VSTM2B: variants seen among roughly 807,000 people sequenced by gnomAD.
The protein encoded by VSTM2B is V-set and transmembrane domain-containing protein 2B.
VSTM2B carries 24 observed loss-of-function variants against 24.0 expected under a neutral mutation model. The observed-to-expected ratio is 1.00, with a 90% CI of 0.72 to 1.40. The LOEUF (loss-of-function observed/expected upper bound fraction) is 1.40, where lower values mean the gene tolerates loss of function less well. VSTM2B is among the 40% of genes most tolerant of loss of function. The pLI, the probability that VSTM2B is intolerant of heterozygous loss-of-function variation, is 0.00. For synonymous variants in VSTM2B, 226 were observed against 194.4 expected (o/e 1.16, Z -1.35); for missense variants, 399 against 416.4 (o/e 0.96, Z 0.36).
intron 4 of VSTM2B, among the ~76,000 whole-genome samples, chr19:29,538,907 G>T (rs1355759894): frequency 6.6e-6 from 1 of 152,132 alleles, no homozygotes; most frequent in Non-Finnish European, 1.5e-5. Context: ...CAACACTGGG[G>T]ATCACATTTC....
chr19:29,554,833 A>T (rs187415204), intron 4 of VSTM2B, among the ~76,000 whole-genome samples: 2 of 152,326 alleles, frequency 1.3e-5, no homozygotes, highest in Admixed American at 1.3e-4. Context: ...TTACATAATG[A>T]TAAAAAGGAT....
chr19:29,550,951 AG>A (rs1340575286), intron 4 of VSTM2B, among the ~76,000 whole-genome samples: 1 of 152,166 alleles, frequency 6.6e-6, no homozygotes, highest in East Asian at 1.9e-4. Flanking sequence ...CCCAGTGGAG[AG>A]GGCTGCAGCT....
At chr19:29,530,528 C>T (rs1020438928) in intron 4 of VSTM2B, among the ~76,000 whole-genome samples, 13 of 152,210 alleles carry the variant, frequency 8.5e-5, no homozygotes, top group Non-Finnish European at 1.3e-4. Flanking sequence ...GAGGAGGGGG[C>T]TGCCCTGCCA....
intron 4 of VSTM2B, 29 bp downstream of exon 4, chr19:29,530,319 C>T: frequency 2.0e-6 from 3 of 1,474,238 alleles, no homozygotes; most frequent in Non-Finnish European, 1.8e-6. Flanking sequence ...GGGGCGCACG[C>T]GCGGGGATGG....
At chr19:29,545,730 G>A (rs554573186) in intron 4 of VSTM2B, among the ~76,000 whole-genome samples, 48 of 152,296 alleles carry the variant, frequency 3.2e-4, no homozygotes, top group Middle Eastern at 3.4e-3. Context: ...CCAGCCCACC[G>A]TTGATGGGCA....
chr19:29,559,273 T>C (rs1055728259), intron 4 of VSTM2B, among the ~76,000 whole-genome samples: 1 of 152,246 alleles, frequency 6.6e-6, no homozygotes, highest in African/African-American at 2.4e-5. Flanking sequence ...CATGGAATAC[T>C]ATGCAGGCAT....
intron 4 of VSTM2B, among the ~76,000 whole-genome samples, chr19:29,532,468 G>A (rs970380381): frequency 3.9e-5 from 6 of 152,200 alleles, no homozygotes; most frequent in African/African-American, 1.4e-4. Context: ...GCTTGTTGGT[G>A]AAGAGAACAT....
intron 4 of VSTM2B, among the ~76,000 whole-genome samples, chr19:29,537,585 C>T (rs1484799572): frequency 6.6e-6 from 1 of 152,180 alleles, no homozygotes; most frequent in Non-Finnish European, 1.5e-5. Flanking sequence ...TTTGGACAGG[C>T]TTCAGTTGGC....
chr19:29,535,759 C>T (rs963545807), intron 4 of VSTM2B, among the ~76,000 whole-genome samples: 9 of 152,098 alleles, frequency 5.9e-5, no homozygotes, highest in African/African-American at 1.9e-4. Context: ...CCAGGAGAAT[C>T]GCGATGCAGC....
chr19:29,532,442 C>T (rs1346488447), intron 4 of VSTM2B, among the ~76,000 whole-genome samples: 1 of 152,172 alleles, frequency 6.6e-6, no homozygotes, highest in East Asian at 1.9e-4. Context: ...CTTACAGAGC[C>T]ATTGGCTTAA....
intron 4 of VSTM2B, among the ~76,000 whole-genome samples, chr19:29,535,850 TC>T (rs904470801): frequency 2.6e-5 from 4 of 151,698 alleles, no homozygotes; most frequent in Non-Finnish European, 5.9e-5. Flanking sequence ...TTTTCCCATC[TC>T]CCCGGACCCA....
intron 4 of VSTM2B, among the ~76,000 whole-genome samples, chr19:29,561,172 C>G (rs2145519929): frequency 6.6e-6 from 1 of 152,112 alleles, no homozygotes; most frequent in Admixed American, 6.5e-5. Flanking sequence ...ATTAGCCAAG[C>G]ATGGTGGCAA....
intron 4 of VSTM2B, among the ~76,000 whole-genome samples, chr19:29,538,484 C>T (rs1028282447): frequency 2.6e-5 from 4 of 152,212 alleles, no homozygotes; most frequent in Non-Finnish European, 4.4e-5. Flanking sequence ...AGACTTCCTT[C>T]ATGAGACCGC....
At chr19:29,562,759 A>T (rs919639270) in intron 4 of VSTM2B, among the ~76,000 whole-genome samples, 1 of 152,176 alleles carries the variant, frequency 6.6e-6, no homozygotes, top group African/African-American at 2.4e-5. Context: ...GGCTTTCCCC[A>T]GTTGCACGGG....
At position 29,535,787 on chromosome 19, in the gene VSTM2B, C is replaced by T. The variant is rs146572086; in HGVS notation, c.769+5497C>T. Among the ~76,000 whole-genome samples, 349 of 152,224 alleles carry T rather than the reference C, an allele frequency of 2.3e-3. 2 individuals are homozygous for T. The highest frequency in any genetic ancestry group is 4.4e-3 in the South Asian group (21 of 4,816). On this transcript the variant is annotated intron_variant, in intron 4 of 4. Coordinates refer to ENST00000335523, the MANE Select transcript of VSTM2B (RefSeq NM_001146339.2). ...GATGCAGCAGAGTCACCAGCAGTAC[C>T]AGCAGGCCCAGGACCTGTGGGCCCT...
chr19:29,542,247 G>A (rs1302639335), intron 4 of VSTM2B, among the ~76,000 whole-genome samples: 2 of 151,942 alleles, frequency 1.3e-5, no homozygotes, highest in Non-Finnish European at 2.9e-5. Flanking sequence ...TAGATACAAG[G>A]ATGATGAGTG....
chr19:29,549,541 C>A (rs1046262584), intron 4 of VSTM2B, among the ~76,000 whole-genome samples: 1 of 150,876 alleles, frequency 6.6e-6, no homozygotes, highest in Non-Finnish European at 1.5e-5. Context: ...GATGCTGGCC[C>A]CAAGGCTGCT....
chr19:29,539,998 G>C (rs1429300800), intron 4 of VSTM2B, among the ~76,000 whole-genome samples: 1 of 152,272 alleles, frequency 6.6e-6, no homozygotes, highest in South Asian at 2.1e-4. Context: ...TCCATCAGCT[G>C]CCCTCAGGGA....
chr19:29,553,103 C>T (rs930520348), intron 4 of VSTM2B, among the ~76,000 whole-genome samples: 1 of 151,912 alleles, frequency 6.6e-6, no homozygotes, highest in African/African-American at 2.4e-5. Context: ...ACCCCCTCTG[C>T]CAAGGGGTAG....
Sources: allele counts gnomAD v4.1 joint callset (sites outside exome capture counted in the v4.1 genomes callset), GRCh38; gene constraint gnomAD v4.1.1; transcripts MANE v1.5; gene names NCBI Gene and HGNC (gene_info 2026-07-23, HGNC 2026-07-21).